Variants in SLC5A11 observed in about 807,000 individuals in gnomAD.
SLC5A11 encodes solute carrier family 5 member 11, also known as sodium/myo-inositol cotransporter 2.
SLC5A11 carries 48 observed loss-of-function variants against 69.8 expected under a neutral mutation model. That is an observed-to-expected ratio of 0.69 (90% CI 0.55 to 0.87). The LOEUF (loss-of-function observed/expected upper bound fraction) is 0.87, where lower values mean the gene tolerates loss of function less well. Among genes scored for constraint, SLC5A11 ranks in the 40% least tolerant of loss-of-function variants. The pLI, the probability that SLC5A11 is intolerant of heterozygous loss-of-function variation, is 0.00. For synonymous variants in SLC5A11, 319 were observed against 342.4 expected (o/e 0.93, Z 0.75); for missense variants, 784 against 866.1 (o/e 0.91, Z 1.19).
At position 24,875,490 on chromosome 16, in the gene SLC5A11, T is replaced by C. The variant is rs541969169; in HGVS notation, c.373-137T>C. ...TGGGCCCCTCTCCTCCCTTCTTAAG[T>C]ATCAGGTTGAGAATCCCAAGAAGAC... is the stretch of plus-strand genomic sequence containing the variant. On this transcript the variant is annotated intron_variant, in intron 5 of 15. Transcript: ENST00000347898. 10 of 689,552 alleles carry C rather than the reference T, an allele frequency of 1.5e-5. No individual in the cohort carries two copies. The South Asian group carries it at 1.8e-4, about 12-fold the overall frequency. 42.7% of individuals were successfully genotyped at this position (689,552 alleles called of 1,614,324 possible).
At chr16:24,858,654 G>A in exon 2 of SLC5A11, 1 of 1,609,602 alleles carries the variant, frequency 6.2e-7, no homozygotes, top group Non-Finnish European at 8.5e-7. Flanking sequence ...ATGGAGAGCG[G>A]CACCAGCAGC....
intron 5 of SLC5A11, among the ~76,000 whole-genome samples, chr16:24,872,570 G>C (rs115600196): frequency 2.6e-4 from 40 of 152,134 alleles, no homozygotes; most frequent in African/African-American, 9.6e-4. Context: ...TTGAGACAGG[G>C]TCTGGCTTTG....
intron 9 of SLC5A11, among the ~76,000 whole-genome samples, chr16:24,897,205 T>TG: frequency 6.6e-6 from 1 of 151,882 alleles, no homozygotes; most frequent in South Asian, 2.1e-4. Flanking sequence ...CCTCCTGCTT[T>TG]GGCCTCCCAA....
intron 10 of SLC5A11, among the ~76,000 whole-genome samples, chr16:24,898,601 C>A (rs1305205859): frequency 3.3e-5 from 5 of 151,464 alleles, no homozygotes; most frequent in Non-Finnish European, 5.9e-5. Flanking sequence ...TCACTGCAAG[C>A]TCTGCCTCCT....
chr16:24,890,944 A>C, exon 9 of SLC5A11: 1 of 1,614,132 alleles, frequency 6.2e-7, no homozygotes, highest in Non-Finnish European at 8.5e-7. Context: ...CGGAGTGAGA[A>C]CAGCAGCTGC....
rs116365283 is a variant in SLC5A11 at position 24,878,573 on chromosome 16, A to G, written c.583+1210A>G. 1.5e-3 allele frequency among the ~76,000 whole-genome samples: 232 copies of G among 152,196 alleles called. 2 individuals are homozygous for G. The highest frequency in any genetic ancestry group is 5.3e-3 in the African/African-American group (220 of 41,512). On this transcript the variant is annotated intron_variant, in intron 7 of 15. Coordinates refer to ENST00000347898, the Ensembl canonical transcript of SLC5A11. ...GGTATCTCTATATTATGTACCTTGTATCTATATATCATGTATTTACATACA... is the reference window on the plus strand; with the variant it reads ...GGTATCTCTATATTATGTACCTTGTGTCTATATATCATGTATTTACATACA...
At chr16:24,871,041 G>C (rs574099541) in intron 4 of SLC5A11, among the ~76,000 whole-genome samples, 1 of 152,162 alleles carries the variant, frequency 6.6e-6, no homozygotes, top group South Asian at 2.1e-4. Context: ...GCAGGGAGGG[G>C]ATTATTAATA....
intron 5 of SLC5A11, among the ~76,000 whole-genome samples, chr16:24,873,390 G>A (rs1300639398): frequency 6.6e-6 from 1 of 151,986 alleles, no homozygotes; most frequent in African/African-American, 2.4e-5. Context: ...CAGCTCTTTG[G>A]GAGGCTGTGG....
At chr16:24,875,587 T>C (rs766658390) in intron 5 of SLC5A11, 40 bp from the exon 7 acceptor site, 1 of 1,563,934 alleles carries the variant, frequency 6.4e-7, no homozygotes, top group Non-Finnish European at 8.8e-7. Context: ...GTGCTGGTGG[T>C]GAAGTCCGCT....
intron 1 of SLC5A11, among the ~76,000 whole-genome samples, chr16:24,851,250 C>T (rs1377956379): frequency 4.0e-5 from 6 of 151,696 alleles, no homozygotes; most frequent in South Asian, 2.1e-4. Flanking sequence ...CAGTGGCTCA[C>T]GCCTGTAATC....
chr16:24,905,285 A>C (rs368963741), intron 10 of SLC5A11, among the ~76,000 whole-genome samples: 47,049 of 136,652 alleles, frequency 0.34, 9,461 homozygotes, highest in Non-Finnish European at 0.43. Context: ...AAAAAAAAAA[A>C]AAAAAAAAAA....
intron 8 of SLC5A11, among the ~76,000 whole-genome samples, chr16:24,884,514 T>A (rs1348051855): frequency 1.3e-3 from 1 of 774 alleles, no homozygotes; most frequent in Admixed American, 0.026. Context: ...TTTTATTTTG[T>A]TTTTTTTTTT....
chr16:24,901,940 A>ACACACACACACACACGCG (rs1358119015), intron 10 of SLC5A11, among the ~76,000 whole-genome samples: 2 of 115,236 alleles, frequency 1.7e-5, no homozygotes, highest in African/African-American at 7.1e-5. Flanking sequence ...ATACACACAC[A>ACACACACACACACACGCG]CACACACACA....
chr16:24,875,519 C>T (rs1308531787), intron 5 of SLC5A11, 108 bp from the exon 7 acceptor site: 1 of 818,888 alleles, frequency 1.2e-6, no homozygotes, highest in Non-Finnish European at 2.0e-6. Flanking sequence ...AGAAGACCAT[C>T]TGTGCTCTGA....
intron 1 of SLC5A11, among the ~76,000 whole-genome samples, chr16:24,851,683 A>G (rs931346694): frequency 2.6e-5 from 4 of 152,238 alleles, no homozygotes; most frequent in East Asian, 1.9e-4. Flanking sequence ...TAATCACATT[A>G]CACATACAAT....
Position 24,909,115 on chromosome 16 carries a change from C to A in SLC5A11, c.1650+19C>A, listed in dbSNP as rs751430546. 4 of 1,610,622 alleles carry A rather than the reference C, an allele frequency of 2.5e-6. No individual in the cohort carries two copies. The highest frequency in any genetic ancestry group is 3.4e-6 in the Non-Finnish European group (4 of 1,177,128). ...GGAGATGGTACATTTGGGCTGATGG[C>A]TAGATCCGTTGAGACTTTTTGTTGG... On this transcript the variant is annotated intron_variant, in intron 14 of 15. Coordinates refer to ENST00000347898, the Ensembl canonical transcript of SLC5A11.
At chr16:24,884,211 G>A (rs2048244870) in intron 8 of SLC5A11, 80 bp downstream of exon 9, 5 of 1,377,200 alleles carry the variant, frequency 3.6e-6, no homozygotes, top group African/African-American at 1.4e-5. Context: ...CACTGTGAAC[G>A]GCAAACCTAG....
intron 3 of SLC5A11, 107 bp downstream of exon 4, chr16:24,862,779 G>A: frequency 2.1e-6 from 2 of 941,586 alleles, no homozygotes; most frequent in South Asian, 4.2e-5. Context: ...ATGTCGTTTG[G>A]AAGTCATTGT....
intron 10 of SLC5A11, among the ~76,000 whole-genome samples, chr16:24,904,181 C>G (rs1171797592): frequency 6.6e-6 from 1 of 152,190 alleles, no homozygotes; most frequent in South Asian, 2.1e-4. Context: ...GGGGGGATTA[C>G]AGTTCCCTCC....
Sources: gnomAD v4.1 joint callset for allele counts (sites outside exome capture counted in the v4.1 genomes callset) on GRCh38, gnomAD v4.1.1 for gene constraint, MANE v1.5 for transcripts, NCBI Gene and HGNC (gene_info 2026-07-23, HGNC 2026-07-21) for gene names.